NFASC: variants seen among roughly 807,000 people sequenced by gnomAD.
NFASC encodes neurofascin homolog.
In NFASC, 43 loss-of-function variants were observed where a neutral mutation model predicts 147.5. The ratio of observed to expected loss-of-function variants is 0.29; its 90% CI spans 0.23 to 0.38. The LOEUF (loss-of-function observed/expected upper bound fraction) is 0.38. Among genes scored for constraint, NFASC ranks in the 10% least tolerant of loss-of-function variants. NFASC has a pLI of 1.00. For missense variants in NFASC, 1,320 were observed against 1,689.0 expected, an observed-to-expected ratio of 0.78 and a Z score of 3.83; for synonymous variants, 622 against 665.5, an observed-to-expected ratio of 0.93 and a Z score of 1.01.
intron 1 of NFASC, 99 bp downstream of exon 1, chr1:204,828,881 G>C (rs1286226983): frequency 6.4e-6 from 5 of 781,178 alleles, no homozygotes; most frequent in South Asian, 5.6e-5. Flanking sequence ...TCCATCCCCT[G>C]ACCTGCCCCC....
chr1:205,002,786 T>C (rs2096018170), intron 27 of NFASC, 38 bp downstream of exon 27: 1 of 1,379,244 alleles, frequency 7.3e-7, no homozygotes, highest in African/African-American at 1.5e-5. Flanking sequence ...CCTGCAAGCA[T>C]GGGGCATTTC....
chr1:204,987,205 T>C lies in NFASC; in HGVS notation c.2471-213T>C. ...CTCTCTTAAATAGCAGAGTCTGAGC[T>C]ATGTTTGTCCTCAGACCTGAAGGAA... On this transcript the variant is annotated intron_variant, in intron 21 of 29. Coordinates refer to ENST00000339876, the MANE Select transcript of NFASC (RefSeq NM_001005388.3). The surrounding 1 kb of genome is among the most constrained non-coding windows in gnomAD (Gnocchi z 4.4). 1 of 576,246 alleles carries C rather than the reference T, an allele frequency of 1.7e-6. No homozygotes were observed. The highest frequency in any genetic ancestry group is 3.1e-6 in the Non-Finnish European group (1 of 324,098). The allele number at this position is 576,246 out of a possible 1,614,324, so 35.7% of individuals were successfully genotyped here.
chr1:204,874,269 T>C (rs1187040098), intron 1 of NFASC, among the ~76,000 whole-genome samples: 1 of 152,210 alleles, frequency 6.6e-6, no homozygotes, highest in Non-Finnish European at 1.5e-5. Context: ...ATGGTCTCCA[T>C]GTTGCCTCCT....
At chr1:204,874,434 C>T (rs1219265350) in intron 1 of NFASC, among the ~76,000 whole-genome samples, 2 of 152,226 alleles carry the variant, frequency 1.3e-5, no homozygotes, top group African/African-American at 4.8e-5. Context: ...TGTTCTTCCT[C>T]ACAGCTCAGT....
chr1:204,927,088 T>TGATAGATA (rs796549966), intron 2 of NFASC, among the ~76,000 whole-genome samples: 10 of 151,984 alleles, frequency 6.6e-5, no homozygotes, highest in African/African-American at 2.4e-4. Context: ...AATAGATAGA[T>TGATAGATA]GATAGATAGA....
intron 8 of NFASC, among the ~76,000 whole-genome samples, chr1:204,959,300 C>T (rs532417774): frequency 6.6e-6 from 1 of 152,294 alleles, no homozygotes; most frequent in Admixed American, 6.5e-5. Context: ...TGCAGCAAGC[C>T]CCTCGAGTTC....
At chr1:204,938,243 C>G (rs2093045640) in intron 2 of NFASC, among the ~76,000 whole-genome samples, 1 of 152,216 alleles carries the variant, frequency 6.6e-6, no homozygotes, top group South Asian at 2.1e-4. Context: ...AACAGAAAAG[C>G]AGGCTGTGAC....
intron 3 of NFASC, among the ~76,000 whole-genome samples, chr1:204,949,104 G>A (rs777474199): frequency 4.6e-5 from 7 of 152,212 alleles, no homozygotes; most frequent in African/African-American, 1.2e-4. Context: ...GGCAAATGGC[G>A]AAGCAAATGT....
intron 1 of NFASC, among the ~76,000 whole-genome samples, chr1:204,879,326 A>G (rs1332608950): frequency 6.6e-6 from 1 of 152,246 alleles, no homozygotes; most frequent in Non-Finnish European, 1.5e-5. Flanking sequence ...GTTGTGTCTC[A>G]TATTACTACT....
intron 1 of NFASC, among the ~76,000 whole-genome samples, chr1:204,852,492 T>G (rs1383855942): frequency 1.3e-5 from 2 of 152,148 alleles, no homozygotes; most frequent in Non-Finnish European, 2.9e-5. Context: ...AGAGTGAAAC[T>G]CCGTCTGAAA....
chr1:204,834,164 C>A (rs1673025134), intron 1 of NFASC, among the ~76,000 whole-genome samples: 1 of 152,056 alleles, frequency 6.6e-6, no homozygotes, highest in Non-Finnish European at 1.5e-5. Context: ...TATTCTCCCC[C>A]ACCCTCCCCC....
At chr1:204,914,825 T>A (rs6701922) in intron 1 of NFASC, among the ~76,000 whole-genome samples, 115,494 of 152,136 alleles carry the variant, frequency 0.76, 44,744 homozygotes, top group Admixed American at 0.85. Context: ...TTTATTTGAA[T>A]AACAGTCTTG....
intron 29 of NFASC, among the ~76,000 whole-genome samples, chr1:205,013,850 G>T (rs1010032772): frequency 5.9e-5 from 9 of 152,162 alleles, no homozygotes; most frequent in African/African-American, 1.9e-4. Flanking sequence ...CTGCCCATCA[G>T]CCTGGCAAGC....
At position 204,897,698 on chromosome 1, in the gene NFASC, C is replaced by T. The variant is rs184453975; in HGVS notation, c.-199-22934C>T. Among the ~76,000 whole-genome samples the T allele has an allele frequency of 1.4e-3, 206 of 151,740 alleles. 1 individual carries two copies. Among genetic ancestry groups the T allele is most frequent in the African/African-American group, 4.4e-3 (183 of 41,360 alleles). On this transcript the variant is annotated intron_variant, in intron 1 of 29. Coordinates refer to ENST00000339876, the MANE Select transcript of NFASC (RefSeq NM_001005388.3). ...AAGTGATTCTTCCACCTCAGCCTCC[C>T]GAGTAGCTGGGACTACAGGTGTGTG...
Position 204,979,504 on chromosome 1 carries a change from G to A in NFASC, c.2121G>A (p.Glu707=). The change falls in exon 19 of 30, where the codon GAG becomes GAA. Residue 707 remains glutamate (E), a synonymous_variant. Transcript: ENST00000339876. The surrounding 1 kb of genome is among the most constrained non-coding windows in gnomAD (Gnocchi z 6.0). The part of the protein sequence containing the change: ...NYQFRVIAIN[E]VGSSHPSLPS... Reference sequence around the variant, plus strand: ...AGTTCCGTGTCATTGCCATCAACGAGGTTGGGAGCAGCCACCCCAGCCTCC... The same window carrying A: ...AGTTCCGTGTCATTGCCATCAACGAAGTTGGGAGCAGCCACCCCAGCCTCC... 6.2e-7 allele frequency: 1 copy of A among 1,613,824 alleles called. No individual in the cohort carries two copies. Among genetic ancestry groups the A allele is most frequent in the East Asian group, 2.2e-5 (1 of 44,878 alleles).
chr1:204,983,957 C>G, intron 21 of NFASC: 1 of 1,054,462 alleles, frequency 9.5e-7, no homozygotes, highest in South Asian at 1.3e-5. Context: ...TACAGGCCAG[C>G]AGAGAACAAG....
intron 2 of NFASC, among the ~76,000 whole-genome samples, chr1:204,923,097 C>T (rs943476512): frequency 6.6e-6 from 1 of 152,210 alleles, no homozygotes; most frequent in Non-Finnish European, 1.5e-5. Flanking sequence ...AACTCTGGCA[C>T]CTGTGTGGCA....
At position 204,974,244 on chromosome 1, in the gene NFASC, C is replaced by T. The variant is rs184631101; in HGVS notation, c.1345C>T (p.Arg449Trp). 6.6e-5 allele frequency: 107 copies of T among 1,614,102 alleles called. No individual in the cohort carries two copies. Among genetic ancestry groups the T allele is most frequent in the Admixed American group, 1.7e-4 (10 of 60,022 alleles). Reference sequence around the variant, plus strand: ...TCGAGTGATTCTTTACAACCGGACGCGGCTGGACTGCCCTTTCTTTGGGTC... The same window carrying T: ...TCGAGTGATTCTTTACAACCGGACGTGGCTGGACTGCCCTTTCTTTGGGTC... Reference protein sequence around the residue: ...LIRVILYNRTRLDCPFFGSPI... With the variant: ...LIRVILYNRTWLDCPFFGSPI... The change falls in exon 13 of 30, where the codon CGG becomes TGG. Residue 449 changes from arginine to tryptophan, a missense_variant. Physicochemically the swap from Arg to Trp is moderately radical, Grantham distance 101. Around this residue, in one of 3 missense-constraint regions of NFASC, gnomAD observed 981 missense variants for 1,289.5 expected, o/e 0.76. Coordinates refer to ENST00000339876, the MANE Select transcript of NFASC (RefSeq NM_001005388.3).
At chr1:204,921,595 C>T (rs769967770) in intron 2 of NFASC, among the ~76,000 whole-genome samples, 2 of 152,046 alleles carry the variant, frequency 1.3e-5, no homozygotes, top group African/African-American at 2.4e-5. Context: ...AGAGTGCCGA[C>T]GACATGGACT....
Sources: gnomAD v4.1 joint callset for allele counts (sites outside exome capture counted in the v4.1 genomes callset) on GRCh38, gnomAD v4.1.1 for gene constraint, gnomAD v4.1.1 regional missense constraint, Gnocchi (gnomAD v3.1) non-coding constraint, MANE v1.5 for transcripts, NCBI Gene and HGNC (gene_info 2026-07-23, HGNC 2026-07-21) for gene names.